The following PPFIBP1 variants were observed in gnomAD, a reference collection of about 807,000 sequenced individuals.
The protein encoded by PPFIBP1 is PPFIB scaffold protein 1.
A neutral mutation model predicts 137.8 loss-of-function variants in PPFIBP1; 112 were observed. The observed-to-expected ratio is 0.81, with a 90% confidence interval of 0.70 to 0.95. PPFIBP1 has a LOEUF of 0.95. Ranked by LOEUF, PPFIBP1 falls within the 40% of genes least tolerant of loss-of-function variation. PPFIBP1 has a pLI of 0.00. For missense variants in PPFIBP1, 1,083 were observed against 1,196.6 expected (o/e 0.91, Z 1.40); for synonymous variants, 378 against 417.3 (o/e 0.91, Z 1.15).
intron 6 of PPFIBP1, 122 bp downstream of exon 6, chr12:27,647,964 T>C (rs2058642236): frequency 1.6e-6 from 2 of 1,276,872 alleles, no homozygotes; most frequent in Non-Finnish European, 2.0e-6. Flanking sequence ...GACCAGCACA[T>C]TAAAAAAAAA....
intron 12 of PPFIBP1, 67 bp downstream of exon 12, chr12:27,664,513 G>T: frequency 9.0e-7 from 1 of 1,113,926 alleles, no homozygotes; most frequent in South Asian, 1.3e-5. Flanking sequence ...TTACACATTT[G>T]GCCTCAATTT....
chr12:27,575,234 G>C (rs1280954690), intron 1 of PPFIBP1, among the ~76,000 whole-genome samples: 1 of 152,146 alleles, frequency 6.6e-6, no homozygotes, highest in East Asian at 1.9e-4. Flanking sequence ...TATGGGTGTG[G>C]CTGTGTTCCA....
chr12:27,636,908 T>TGCACTGGCTTTTCCAG (rs1282552922), intron 4 of PPFIBP1: 1 of 152,236 alleles, frequency 6.6e-6, no homozygotes, highest in Non-Finnish European at 1.5e-5. Context: ...TCAGAGCCTT[T>TGCACTGGCTTTTCCAG]GCACTGGCTT....
chr12:27,598,068 G>A (rs1358171681), intron 2 of PPFIBP1, among the ~76,000 whole-genome samples: 1 of 152,128 alleles, frequency 6.6e-6, no homozygotes, highest in Non-Finnish European at 1.5e-5. Context: ...GCCTCCCAAA[G>A]TGCTAGGATT....
intron 19 of PPFIBP1, chr12:27,677,493 A>G (rs1311925228): frequency 4.7e-6 from 1 of 213,582 alleles, no homozygotes; most frequent in Admixed American, 5.1e-5. Flanking sequence ...GCCTCCAAAA[A>G]GAAATTTTTT....
intron 8 of PPFIBP1, 53 bp from the exon 9 acceptor site, chr12:27,656,559 CTGAA>C: frequency 9.3e-7 from 1 of 1,070,136 alleles, no homozygotes; most frequent in Non-Finnish European, 1.5e-6. Context: ...AATATGCTCT[CTGAA>C]TGTTCCTTTT....
intron 6 of PPFIBP1, among the ~76,000 whole-genome samples, chr12:27,648,708 T>C (rs1393777657): frequency 6.6e-6 from 1 of 152,166 alleles, no homozygotes; most frequent in Non-Finnish European, 1.5e-5. Context: ...ACAACATGAA[T>C]GGAACTGAAG....
intron 1 of PPFIBP1, among the ~76,000 whole-genome samples, chr12:27,540,064 AT>A (rs147575484): frequency 0.077 from 11,152 of 144,388 alleles, 609 homozygotes; most frequent in East Asian, 0.27. Context: ...CCTATTTTCA[AT>A]TTTTTTTTTT....
intron 22 of PPFIBP1, 36 bp from the exon 23 acceptor site, chr12:27,682,351 C>A: frequency 1.4e-6 from 2 of 1,469,728 alleles, no homozygotes; most frequent in Non-Finnish European, 1.9e-6. Context: ...CCAGCCTATA[C>A]AGATAGAATT....
At chr12:27,638,926 G>T (rs537212108) in intron 4 of PPFIBP1, among the ~76,000 whole-genome samples, 124 of 152,070 alleles carry the variant, frequency 8.2e-4, no homozygotes, top group Non-Finnish European at 1.6e-3. Context: ...ACTTTAAGAT[G>T]GATACTAACC....
intron 5 of PPFIBP1, among the ~76,000 whole-genome samples, chr12:27,647,301 C>A (rs1396107279): frequency 6.6e-6 from 1 of 151,484 alleles, no homozygotes; most frequent in African/African-American, 2.4e-5. Flanking sequence ...GTGCATGCTA[C>A]CTCTCCCCCC....
At chr12:27,609,265 T>C (rs2054840748) in intron 2 of PPFIBP1, among the ~76,000 whole-genome samples, 1 of 152,214 alleles carries the variant, frequency 6.6e-6, no homozygotes, top group Non-Finnish European at 1.5e-5. Context: ...AAGTCTCAAA[T>C]CTAAAACTGT....
rs922484980 is a variant in PPFIBP1, at chr12:27,695,140, G to C, written c.*2258G>C. ...ACGCCATTTTTTTTTTTTTTGAGAC[G>C]GAGTCTTGCTCTGTTGCCCAGGCTG... On this transcript the variant is annotated 3_prime_UTR_variant, in exon 30 of 30. Transcript: ENST00000228425. 1.4e-5 allele frequency: 2 copies of C among 144,926 alleles called. No homozygotes were observed. Among genetic ancestry groups the C allele is most frequent in the Non-Finnish European group, 3.0e-5 (2 of 66,846 alleles). 9.0% of individuals were successfully genotyped at this position (144,926 alleles called of 1,614,324 possible).
Position 27,556,024 on chromosome 12 carries a change from A to G in PPFIBP1, c.-123-22128A>G, listed in dbSNP as rs2048677712. 2.0e-5 allele frequency among the ~76,000 whole-genome samples: 3 copies of G among 152,348 alleles called. No individual in the cohort carries two copies. In the South Asian group the frequency reaches 6.2e-4, roughly 32 times the overall value. ...ATATTTTGGAATTAACAATTAGCCT[A>G]CTGAATAAAGCTGCTTCCTGAATAC... On this transcript the variant is annotated intron_variant, in intron 1 of 29. Coordinates refer to ENST00000228425, the MANE Select transcript of PPFIBP1 (RefSeq NM_003622.4).
intron 1 of PPFIBP1, among the ~76,000 whole-genome samples, chr12:27,575,188 G>A (rs1032808124): frequency 1.3e-5 from 2 of 152,158 alleles, no homozygotes; most frequent in Admixed American, 6.5e-5. Flanking sequence ...CTGTTATTGT[G>A]TCTTGGAAAA....
intron 1 of PPFIBP1, among the ~76,000 whole-genome samples, chr12:27,544,073 G>A (rs1026690335): frequency 6.6e-6 from 1 of 151,842 alleles, no homozygotes; most frequent in Non-Finnish European, 1.5e-5. Context: ...TTAGACATAA[G>A]GTCTGGCTGT....
rs775896573 is a variant in PPFIBP1 at position 27,680,076 on chromosome 12, C to T, written c.1895+15C>T. On this transcript the variant is annotated intron_variant, in intron 21 of 29. Coordinates refer to ENST00000228425, the MANE Select transcript of PPFIBP1 (RefSeq NM_003622.4). ...CAGTCTAACAGGTAAGAAGAGCCAA[C>T]TGATAGACTTTTGCATCTCTACCAA... The T allele has an allele frequency of 8.1e-6, 13 of 1,613,014 alleles. No homozygotes were observed. Among genetic ancestry groups the T allele is most frequent in the South Asian group, 1.1e-5 (1 of 90,994 alleles).
chr12:27,579,588 A>G (rs752513746), intron 2 of PPFIBP1, among the ~76,000 whole-genome samples: 12 of 152,154 alleles, frequency 7.9e-5, no homozygotes, highest in Non-Finnish European at 4.4e-5. Context: ...ATTATGTACA[A>G]TATTTTTTGC....
intron 4 of PPFIBP1, among the ~76,000 whole-genome samples, chr12:27,641,369 T>C (rs149989915): frequency 8.9e-4 from 136 of 152,218 alleles, no homozygotes; most frequent in Middle Eastern, 6.8e-3. Flanking sequence ...GAAAGACAAC[T>C]GTAGACCAAT....
Sources: allele counts gnomAD v4.1 joint callset (sites outside exome capture counted in the v4.1 genomes callset), GRCh38; gene constraint gnomAD v4.1.1; transcripts MANE v1.5; gene names NCBI Gene and HGNC (gene_info 2026-07-23, HGNC 2026-07-21).